Variants in KIAA2012 observed in about 807,000 individuals in gnomAD.
The protein encoded by KIAA2012 is KIAA2012.
In KIAA2012, 125 loss-of-function variants were observed where a neutral mutation model predicts 150.6. That is an observed-to-expected ratio of 0.83 (90% CI 0.72 to 0.96). The LOEUF (loss-of-function observed/expected upper bound fraction) is 0.96, where lower values mean the gene tolerates loss of function less well. Ranked by LOEUF, KIAA2012 falls within the 40% of genes least tolerant of loss-of-function variation. The pLI is 0.00. For missense variants in KIAA2012, 1,219 were observed against 1,354.9 expected (o/e 0.90, Z 1.57); for synonymous variants, 462 against 504.7 (o/e 0.92, Z 1.13).
intron 10 of KIAA2012, among the ~76,000 whole-genome samples, chr2:202,111,499 G>C (rs181137987): frequency 9.8e-6 from 1 of 101,750 alleles, no homozygotes; most frequent in African/African-American, 4.1e-5. Flanking sequence ...AACAGAGCAA[G>C]ACTCTGTCTC....
intron 9 of KIAA2012, among the ~76,000 whole-genome samples, chr2:202,109,308 C>T (rs749646966): frequency 1.3e-5 from 2 of 152,114 alleles, no homozygotes; most frequent in Non-Finnish European, 2.9e-5. Context: ...TCAATTCCTC[C>T]CAGTTCTTGG....
chr2:202,195,753 G>A (rs371013037), intron 21 of KIAA2012, among the ~76,000 whole-genome samples: 4 of 151,872 alleles, frequency 2.6e-5, no homozygotes, highest in African/African-American at 7.2e-5. Context: ...AATGTTTTTC[G>A]CTTTCACATG....
intron 13 of KIAA2012, among the ~76,000 whole-genome samples, chr2:202,152,398 A>G (rs756370665): frequency 2.0e-5 from 3 of 151,996 alleles, no homozygotes; most frequent in Non-Finnish European, 4.4e-5. Context: ...CAACTCCCCC[A>G]CTCTTCAATC....
intron 2 of KIAA2012, among the ~76,000 whole-genome samples, chr2:202,085,159 G>A (rs959418528): frequency 2.6e-5 from 4 of 152,058 alleles, no homozygotes; most frequent in African/African-American, 9.7e-5. Flanking sequence ...CAACTTCATG[G>A]GCATAATTTG....
At chr2:202,112,274 C>T (rs1017332543) in intron 10 of KIAA2012, among the ~76,000 whole-genome samples, 2 of 151,992 alleles carry the variant, frequency 1.3e-5, no homozygotes, top group African/African-American at 2.4e-5. Flanking sequence ...CTGTTGACCA[C>T]GAATTGATAA....
chr2:202,169,529 G>A (rs1691841857), intron 15 of KIAA2012, among the ~76,000 whole-genome samples: 1 of 152,190 alleles, frequency 6.6e-6, no homozygotes, highest in Non-Finnish European at 1.5e-5. Flanking sequence ...GCTTCTCAGT[G>A]AGTGTCCCAG....
At chr2:202,196,424 T>C (rs960971253) in intron 21 of KIAA2012, among the ~76,000 whole-genome samples, 1 of 151,718 alleles carries the variant, frequency 6.6e-6, no homozygotes, top group African/African-American at 2.4e-5. Context: ...CTCAATCTCC[T>C]GACCTCGTGA....
Position 202,196,795 on chromosome 2 carries a change from T to TGCAGAGGCAGAGAA in KIAA2012, c.3188-1_3200dup. 6.5e-7 allele frequency: 1 copy of TGCAGAGGCAGAGAA among 1,550,120 alleles called. No individual in the cohort carries two copies. Among genetic ancestry groups the TGCAGAGGCAGAGAA allele is most frequent in the South Asian group, 1.2e-5 (1 of 84,030 alleles). ...GCTGAGCCCACCCCCTTTTCTATTCTGCAGAGGCAGAGAAGCAAAGGCAAG... is the reference window on the plus strand; with the variant it reads ...GCTGAGCCCACCCCCTTTTCTATTCTGCAGAGGCAGAGAAGCAGAGGCAGAGAAGCAAAGGCAAG... On this transcript the variant is annotated splice_region_variant and splice_polypyrimidine_tract_variant and intron_variant, in intron 21 of 23. Transcript: ENST00000498697.
intron 22 of KIAA2012, among the ~76,000 whole-genome samples, chr2:202,200,114 A>C (rs1282325515): frequency 8.6e-5 from 13 of 151,684 alleles, no homozygotes; most frequent in Non-Finnish European, 1.9e-4. Flanking sequence ...TATTTTTAGT[A>C]GAGACGGGGG....
chr2:202,109,494 C>T, intron 9 of KIAA2012, 119 bp from the exon 10 acceptor site: 2 of 786,128 alleles, frequency 2.5e-6, no homozygotes, highest in Non-Finnish European at 3.9e-6. Context: ...AATACAATTA[C>T]CAGTTCTTCA....
In KIAA2012 at chr2:202,194,261, T is replaced by C. The variant is rs557896412; in HGVS notation, c.3086T>C (p.Leu1029Ser). 2.1e-5 allele frequency: 33 copies of C among 1,550,516 alleles called. No individual in the cohort carries two copies. The African/African-American group carries it at 3.7e-4, about 17-fold the overall frequency. The change falls in exon 21 of 24, where the codon TTG (leucine) becomes TCG (serine). Residue 1029 changes from leucine (L) to serine (S), a missense_variant. Transcript: ENST00000498697. ...EEEERKQQLR[L>S]KAAQERARQQ... ...GAGGAGAGAAAGCAGCAGCTCCGGT[T>C]GAAAGCAGCCCAGGAGAGAGCCCGG...
intron 15 of KIAA2012, among the ~76,000 whole-genome samples, chr2:202,171,333 A>T (rs555523449): frequency 2.6e-5 from 4 of 152,232 alleles, no homozygotes. Context: ...GCAGTGCGGC[A>T]TCTGCGCCTC....
intron 8 of KIAA2012, among the ~76,000 whole-genome samples, chr2:202,103,720 C>T (rs946357063): frequency 2.6e-5 from 4 of 152,146 alleles, no homozygotes; most frequent in Admixed American, 6.5e-5. Context: ...ATCTTTGCCA[C>T]AGCAGAGATT....
intron 13 of KIAA2012, among the ~76,000 whole-genome samples, chr2:202,150,458 T>TG (rs66820648): frequency 2.5e-5 from 2 of 80,002 alleles, no homozygotes; most frequent in Non-Finnish European, 6.7e-5. Context: ...GTTTTTTGTG[T>TG]TTTTTTTTGA....
chr2:202,179,807 C>A, intron 15 of KIAA2012: 2 of 621,622 alleles, frequency 3.2e-6, no homozygotes, highest in Non-Finnish European at 6.2e-6. Context: ...AATGGGGAAA[C>A]TTCCCTTGAG....
In KIAA2012 at chr2:202,199,582, G is replaced by A. The variant is rs531336007; in HGVS notation, c.3407+2563G>A. Reference sequence around the variant, plus strand: ...ATGCTGAACTTCCAGAACAGTCAACGGTACAAACATCACATGTACAGAACT... The same window carrying A: ...ATGCTGAACTTCCAGAACAGTCAACAGTACAAACATCACATGTACAGAACT... On this transcript the variant is annotated intron_variant, in intron 22 of 23. Coordinates refer to ENST00000498697, the MANE Select transcript of KIAA2012 (RefSeq NM_001277372.4). Among the ~76,000 whole-genome samples, 4 of 151,940 alleles carry A rather than the reference G, an allele frequency of 2.6e-5. No homozygotes were observed. In the East Asian group the frequency reaches 7.7e-4, roughly 29 times the overall value.
chr2:202,111,508 TCAA>T (rs1690353097), intron 10 of KIAA2012, among the ~76,000 whole-genome samples: 1 of 34,064 alleles, frequency 2.9e-5, no homozygotes, highest in Admixed American at 5.0e-4. Flanking sequence ...AGACTCTGTC[TCAA>T]AAAAAAAAAA....
At chr2:202,126,476 T>A (rs1575025770) in intron 12 of KIAA2012, among the ~76,000 whole-genome samples, 1 of 152,344 alleles carries the variant, frequency 6.6e-6, no homozygotes, top group East Asian at 1.9e-4. Flanking sequence ...GCCCTCTGCA[T>A]TCCCCCTTGC....
rs185206180 is a variant in KIAA2012 at position 202,187,587 on chromosome 2, G to A, written c.2376+489G>A. Among the ~76,000 whole-genome samples the A allele has an allele frequency of 2.3e-3, 343 of 152,246 alleles. 1 individual carries two copies. Among genetic ancestry groups the A allele is most frequent in the African/African-American group, 7.7e-3 (319 of 41,558 alleles). On this transcript the variant is annotated intron_variant, in intron 17 of 23. Coordinates refer to ENST00000498697, the MANE Select transcript of KIAA2012 (RefSeq NM_001277372.4). ...TTCCCAAAGTGCTGGGATTACAGGCGTGAGCCACTGCACCTGGCCCCATTT... is the reference window on the plus strand; with the variant it reads ...TTCCCAAAGTGCTGGGATTACAGGCATGAGCCACTGCACCTGGCCCCATTT...
Sources: allele counts gnomAD v4.1 joint callset (sites outside exome capture counted in the v4.1 genomes callset), GRCh38; gene constraint gnomAD v4.1.1; transcripts MANE v1.5; gene names NCBI Gene and HGNC (gene_info 2026-07-23, HGNC 2026-07-21).